Variants in TCF4 observed in about 807,000 individuals in gnomAD.
TCF4 encodes SL3-3 enhancer factor 2.
In TCF4, 3 loss-of-function variants were observed where a neutral mutation model predicts 82.1. The ratio of observed to expected loss-of-function variants is 0.04; its 90% CI spans 0.02 to 0.09. TCF4 has a LOEUF of 0.09. Among genes scored for constraint, TCF4 ranks in the 10% least tolerant of loss-of-function variants. TCF4 has a pLI of 1.00. For synonymous variants in TCF4, 276 were observed against 309.6 expected, an observed-to-expected ratio of 0.89 and a Z score of 1.14; for missense variants, 518 against 852.7, an observed-to-expected ratio of 0.61 and a Z score of 4.89.
rs116977295 is a variant in TCF4, at chr18:55,283,937, G to A, written c.550-4281C>T. Among the ~76,000 whole-genome samples, 475 of 152,262 alleles carry A rather than the reference G, an allele frequency of 3.1e-3. 7 individuals are homozygous for A. Among genetic ancestry groups the A allele is most frequent in the East Asian group, 0.012 (63 of 5,188 alleles). ...TCTTTCCAGGTTGCACATTTTTCAAGGGGTAAAGCAAGGATGTGAACTGAT... is the reference window on the plus strand; with the variant it reads ...TCTTTCCAGGTTGCACATTTTTCAAAGGGTAAAGCAAGGATGTGAACTGAT... On this transcript the variant is annotated intron_variant, in intron 8 of 19. Coordinates refer to ENST00000354452, the MANE Select transcript of TCF4 (RefSeq NM_001083962.2).
intron 3 of TCF4, among the ~76,000 whole-genome samples, chr18:55,569,016 A>G (rs1298614192): frequency 6.6e-6 from 1 of 152,180 alleles, no homozygotes; most frequent in Non-Finnish European, 1.5e-5. Context: ...TATGTAGAAA[A>G]AGTATTTGAT....
At chr18:55,536,713 T>C (rs2097118637) in intron 3 of TCF4, among the ~76,000 whole-genome samples, 1 of 152,238 alleles carries the variant, frequency 6.6e-6, no homozygotes, top group African/African-American at 2.4e-5. Context: ...AACAAATGTT[T>C]TAAAATTTCT....
chr18:55,437,604 A>T (rs976904732), intron 5 of TCF4, among the ~76,000 whole-genome samples: 2 of 152,212 alleles, frequency 1.3e-5, no homozygotes, highest in African/African-American at 4.8e-5. Flanking sequence ...AATTTTGAAA[A>T]CAAAATTGAC....
rs756279357 is a variant in TCF4 at position 55,269,863 on chromosome 18, G to C, written c.890C>G (p.Thr297Arg). 1 of 1,613,124 alleles carries C rather than the reference G, an allele frequency of 6.2e-7. No individual in the cohort carries two copies. Residue 297 changes from threonine to arginine, a missense_variant, in exon 11 of 20, where the codon ACG becomes AGG. Coordinates refer to ENST00000354452, the MANE Select transcript of TCF4 (RefSeq NM_001083962.2). ...GTNHYSTSSC[T>R]PPANGTDSIM... ...ACTGTCTGTCCCGTTGGCAGGAGGC[G>C]TACAGGAAGAGGTGCTGTAATGGTT... is the stretch of plus-strand genomic sequence containing the variant.
At position 55,464,149 on chromosome 18, in the gene TCF4, A is replaced by G. The variant is rs2095949475; in HGVS notation, c.146-12T>C. ...TCTGTCTTCTACATCTAGGGACAAG[A>G]GAAAAGTTCTTTAGGCTTTCTTGCA... is the stretch of plus-strand genomic sequence containing the variant. On this transcript the variant is annotated splice_polypyrimidine_tract_variant and intron_variant, in intron 3 of 19. Coordinates refer to ENST00000354452, the MANE Select transcript of TCF4 (RefSeq NM_001083962.2). 2 of 1,613,852 alleles carry G rather than the reference A, an allele frequency of 1.2e-6. No homozygotes were observed. Among genetic ancestry groups the G allele is most frequent in the Non-Finnish European group, 1.7e-6 (2 of 1,179,806 alleles).
intron 3 of TCF4, among the ~76,000 whole-genome samples, chr18:55,578,487 T>C (rs762150766): frequency 6.6e-6 from 1 of 152,124 alleles, no homozygotes. Flanking sequence ...AATGTAAATT[T>C]CCATAAATTA....
At chr18:55,449,521 A>C (rs1484839943) in intron 5 of TCF4, among the ~76,000 whole-genome samples, 1 of 152,210 alleles carries the variant, frequency 6.6e-6, no homozygotes, top group Admixed American at 6.5e-5. Context: ...GTATTGCCCA[A>C]TTAAGTGCAA....
At chr18:55,567,638 A>G (rs2097421217) in intron 3 of TCF4, among the ~76,000 whole-genome samples, 1 of 152,062 alleles carries the variant, frequency 6.6e-6, no homozygotes, top group Non-Finnish European at 1.5e-5. Context: ...GCATGAACCC[A>G]GGAGGCTGAG....
chr18:55,489,033 T>C (rs76686327), intron 3 of TCF4, among the ~76,000 whole-genome samples: 3,985 of 152,188 alleles, frequency 0.026, 163 homozygotes, highest in Admixed American at 0.11. Context: ...AAGAGTGTGG[T>C]TGGGGACACA....
chr18:55,381,977 AGGT>A (rs2091986956), intron 6 of TCF4, among the ~76,000 whole-genome samples: 1 of 151,972 alleles, frequency 6.6e-6, no homozygotes, highest in Admixed American at 6.6e-5. Context: ...GTACTGGACT[AGGT>A]GAGAATACTT....
chr18:55,389,569 G>A (rs1160333260), intron 6 of TCF4, among the ~76,000 whole-genome samples: 1 of 152,172 alleles, frequency 6.6e-6, no homozygotes, highest in Non-Finnish European at 1.5e-5. Flanking sequence ...GGTATTTCAG[G>A]TTCTTATAAA....
intron 3 of TCF4, among the ~76,000 whole-genome samples, chr18:55,499,815 C>T (rs1313990613): frequency 1.3e-5 from 2 of 152,196 alleles, no homozygotes; most frequent in African/African-American, 4.8e-5. Context: ...TATTAAAATA[C>T]GGACTACCAG....
chr18:55,439,250 A>C (rs1053810692), intron 5 of TCF4, among the ~76,000 whole-genome samples: 20 of 152,086 alleles, frequency 1.3e-4, no homozygotes, highest in African/African-American at 4.8e-4. Context: ...AGCACAGGGG[A>C]TGGAGGAGAG....
intron 18 of TCF4, 26 bp from the exon 19 acceptor site, chr18:55,228,387 T>A: frequency 6.2e-7 from 1 of 1,612,654 alleles, no homozygotes; most frequent in South Asian, 1.1e-5. Flanking sequence ...GCACAGAACC[T>A]TTGTTTAATG....
intron 8 of TCF4, chr18:55,322,425 G>GAAAAAAAAAAAAA: frequency 1.3e-6 from 1 of 772,590 alleles, no homozygotes; most frequent in Non-Finnish European, 1.5e-6. Flanking sequence ...GGGGAGGGAA[G>GAAAAAAAAAAAAA]AAAAAAAAAA....
chr18:55,432,101 A>G (rs1385800285), intron 5 of TCF4, among the ~76,000 whole-genome samples: 1 of 152,198 alleles, frequency 6.6e-6, no homozygotes, highest in East Asian at 1.9e-4. Flanking sequence ...CAGGAGTTCG[A>G]GACCAGCCTG....
intron 3 of TCF4, among the ~76,000 whole-genome samples, chr18:55,543,461 T>C (rs1218555269): frequency 1.3e-5 from 2 of 152,132 alleles, no homozygotes; most frequent in Non-Finnish European, 2.9e-5. Flanking sequence ...ATGCTCTCCT[T>C]TTCCATTAGA....
chr18:55,414,794 T>C (rs922592116), intron 5 of TCF4, among the ~76,000 whole-genome samples: 1 of 152,170 alleles, frequency 6.6e-6, no homozygotes, highest in Non-Finnish European at 1.5e-5. Flanking sequence ...TCATACTCTA[T>C]AAACAGCAAC....
chr18:55,603,801 A>T (rs2097699620), intron 2 of TCF4, among the ~76,000 whole-genome samples: 1 of 152,168 alleles, frequency 6.6e-6, no homozygotes, highest in Admixed American at 6.5e-5. Flanking sequence ...CACCACAGAG[A>T]GCATGTCTCA....
Sources: allele counts gnomAD v4.1 joint callset (sites outside exome capture counted in the v4.1 genomes callset), GRCh38; gene constraint gnomAD v4.1.1; transcripts MANE v1.5; gene names NCBI Gene and HGNC (gene_info 2026-07-23, HGNC 2026-07-21).